The following USH2A variants were observed in gnomAD, a reference collection of about 807,000 sequenced individuals.
The protein encoded by USH2A is Usher syndrome 2A (autosomal recessive, mild).
Under a neutral mutation model 538.9 loss-of-function variants are expected in USH2A, and 443 were observed. The observed-to-expected ratio is 0.82, with a 90% CI of 0.76 to 0.89. The LOEUF is 0.89. USH2A is among the 40% of genes least tolerant of loss of function. The pLI, the probability that USH2A is intolerant of heterozygous loss-of-function variation, is 0.00. For missense variants in USH2A, 6,633 were observed against 6,324.8 expected (o/e 1.05, Z -1.65); for synonymous variants, 2,413 against 2,273.5 (o/e 1.06, Z -1.75).
chr1:215,638,230 T>A (rs1453843640), intron 69 of USH2A, among the ~76,000 whole-genome samples: 3 of 152,228 alleles, frequency 2.0e-5, no homozygotes, highest in Non-Finnish European at 4.4e-5. Flanking sequence ...CGCGAAGTCA[T>A]ACAATTCTTT....
intron 44 of USH2A, among the ~76,000 whole-genome samples, chr1:215,865,489 A>G (rs1664445435): frequency 6.6e-6 from 1 of 152,182 alleles, no homozygotes. Flanking sequence ...AAGTATTCAA[A>G]TGTCAGATGA....
At chr1:215,867,256 T>C in intron 43 of USH2A, 86 bp from the exon 44 acceptor site, 1 of 1,449,528 alleles carries the variant, frequency 6.9e-7, no homozygotes, top group Non-Finnish European at 9.4e-7. Context: ...CTTCACAAAA[T>C]ACAGGATTTC....
chr1:215,921,915 C>T (rs566305769), intron 38 of USH2A, among the ~76,000 whole-genome samples: 41 of 152,162 alleles, frequency 2.7e-4, no homozygotes, highest in African/African-American at 9.1e-4. Context: ...GTGATCACAA[C>T]ATCAAAAATC....
intron 22 of USH2A, among the ~76,000 whole-genome samples, chr1:216,091,240 C>T (rs996057637): frequency 6.6e-6 from 1 of 152,104 alleles, no homozygotes; most frequent in Middle Eastern, 3.2e-3. Flanking sequence ...AGATGCTATT[C>T]AGAATTGTTT....
At chr1:215,828,804 G>A (rs943185472) in intron 47 of USH2A, among the ~76,000 whole-genome samples, 2 of 152,140 alleles carry the variant, frequency 1.3e-5, no homozygotes, top group Non-Finnish European at 1.5e-5. Context: ...TAACAGTAAT[G>A]TAATAAAACA....
rs545283701 is a variant in USH2A, at chr1:215,681,475, T to G, written c.12067-1099A>C. ...TGCTTTGGTTTATTAGATGTTTGAA[T>G]GTGATACATGGTCTTCAATTGTCTT... On this transcript the variant is annotated intron_variant, in intron 61 of 71. Coordinates refer to ENST00000307340, the MANE Select transcript of USH2A (RefSeq NM_206933.4). Among the ~76,000 whole-genome samples, 6 of 152,318 alleles carry G rather than the reference T, an allele frequency of 3.9e-5. 1 individual carries two copies. The highest frequency in any genetic ancestry group is 1.4e-4 in the African/African-American group (6 of 41,576).
In USH2A at chr1:216,355,378, G is replaced by GAAAGAAA. The variant is rs1191084342; in HGVS notation, c.784+9574_784+9575insTTTCTTT. On this transcript the variant is annotated intron_variant, in intron 4 of 71. Coordinates refer to ENST00000307340, the MANE Select transcript of USH2A (RefSeq NM_206933.4). ...AAGAAAGAAAGAAAGAAAGAAAGAA[G>GAAAGAAA]GAAAGAAACATATAGTATACAAGAA... Among the ~76,000 whole-genome samples, 436 of 112,912 alleles carry GAAAGAAA rather than the reference G, an allele frequency of 3.9e-3. 20 individuals are homozygous for GAAAGAAA. The highest frequency in any genetic ancestry group is 0.011 in the African/African-American group (308 of 29,056). The allele number at this position is 112,912 out of a possible 152,430, so 74.1% of individuals were successfully genotyped here.
chr1:216,093,154 G>A (rs999353675), intron 22 of USH2A, among the ~76,000 whole-genome samples: 6 of 151,934 alleles, frequency 3.9e-5, no homozygotes, highest in South Asian at 2.1e-4. Flanking sequence ...TAGTAGAAAC[G>A]GGGTTTCACC....
At chr1:216,181,198 T>C (rs913346149) in intron 20 of USH2A, among the ~76,000 whole-genome samples, 1 of 152,178 alleles carries the variant, frequency 6.6e-6, no homozygotes, top group Non-Finnish European at 1.5e-5. Context: ...TTATGGAACA[T>C]TGGTTAATCC....
At position 215,622,958 on chromosome 1, in the gene USH2A, G is replaced by A. The variant is rs1167783222; in HGVS notation, c.*2823C>T. 5 of 152,008 alleles carry A rather than the reference G, an allele frequency of 3.3e-5. No individual in the cohort carries two copies. The East Asian group carries it at 9.7e-4, about 29-fold the overall frequency. 9.4% of individuals were successfully genotyped at this position (152,008 alleles called of 1,614,324 possible). A position where few individuals can be genotyped will look rare whatever the true frequency, so the allele number is the denominator to read the frequency against. ...TTAGTTTACATGATATTTGTGCATT[G>A]GAAACCAACTATTCATTTGTGACAT... On this transcript the variant is annotated 3_prime_UTR_variant, in exon 72 of 72. Transcript: ENST00000307340.
At chr1:215,963,981 C>T (rs879343201) in intron 37 of USH2A, among the ~76,000 whole-genome samples, 2 of 152,208 alleles carry the variant, frequency 1.3e-5, no homozygotes, top group South Asian at 2.1e-4. Flanking sequence ...AAGGGCTGTT[C>T]GGTAAATGGG....
intron 64 of USH2A, among the ~76,000 whole-genome samples, chr1:215,661,997 A>T (rs924368921): frequency 6.6e-6 from 1 of 152,186 alleles, no homozygotes; most frequent in Non-Finnish European, 1.5e-5. Flanking sequence ...TATCAACTAT[A>T]ATTTAAGTCC....
chr1:216,069,690 T>C (rs2031493870), intron 30 of USH2A, among the ~76,000 whole-genome samples: 1 of 152,202 alleles, frequency 6.6e-6, no homozygotes, highest in African/African-American at 2.4e-5. Context: ...CACCTTGAGA[T>C]AATTAGGTTT....
chr1:216,422,052 A>T lies in USH2A; in HGVS notation c.285T>A (p.Pro95=). 6.2e-7 allele frequency: 1 copy of T among 1,613,778 alleles called. No individual in the cohort carries two copies. Among genetic ancestry groups the T allele is most frequent in the Non-Finnish European group, 8.5e-7 (1 of 1,179,860 alleles). Residue 95 remains proline (P), a synonymous_variant, in exon 2 of 72, where the codon CCT becomes CCA. Transcript: ENST00000307340. ...IQDCPYRSSH[P]TYTALFSAGL... is the part of the protein sequence containing the mutation. ...CTGCTGAGAAAAGGGCAGTGTAGGT[A>T]GGGTGTGAAGATCTGTATGGGCAAT...
At chr1:215,709,688 T>C (rs564609820) in intron 61 of USH2A, among the ~76,000 whole-genome samples, 2 of 150,554 alleles carry the variant, frequency 1.3e-5, no homozygotes, top group African/African-American at 4.9e-5. Flanking sequence ...CCTTGACTAA[T>C]TTCCCAGTGG....
chr1:215,742,433 T>C (rs1243887474), intron 59 of USH2A, among the ~76,000 whole-genome samples: 5 of 152,052 alleles, frequency 3.3e-5, no homozygotes, highest in East Asian at 1.9e-4. Flanking sequence ...ATATATATCA[T>C]ATGTTATATA....
At chr1:216,175,903 C>T (rs1003667645) in intron 20 of USH2A, among the ~76,000 whole-genome samples, 4 of 152,100 alleles carry the variant, frequency 2.6e-5, no homozygotes, top group Non-Finnish European at 5.9e-5. Flanking sequence ...CGTAGAACTT[C>T]CCTTGGCTGA....
chr1:215,673,287 A>C (rs1258675914), intron 63 of USH2A, among the ~76,000 whole-genome samples: 1 of 152,240 alleles, frequency 6.6e-6, no homozygotes, highest in African/African-American at 2.4e-5. Context: ...CTAGATTACA[A>C]TAATAGCTGA....
intron 2 of USH2A, 77 bp downstream of exon 2, chr1:216,421,775 G>A: frequency 1.9e-6 from 3 of 1,606,358 alleles, no homozygotes; most frequent in Non-Finnish European, 2.6e-6. Flanking sequence ...CTTCCGGTTT[G>A]GAATTCAGGC....
Sources: allele counts gnomAD v4.1 joint callset (sites outside exome capture counted in the v4.1 genomes callset), GRCh38; gene constraint gnomAD v4.1.1; transcripts MANE v1.5; gene names NCBI Gene and HGNC (gene_info 2026-07-23, HGNC 2026-07-21).